RAD51B: variants seen among roughly 807,000 people sequenced by gnomAD.
RAD51B encodes the protein DNA repair protein RAD51 homolog 2.
RAD51B carries 38 observed loss-of-function variants against 42.2 expected under a neutral mutation model. That is an observed-to-expected ratio of 0.90 (90% confidence interval 0.70 to 1.18). The LOEUF (loss-of-function observed/expected upper bound fraction) is 1.18. Ranked by LOEUF, RAD51B falls within the 50% of genes most tolerant of loss-of-function variation. The pLI, the probability that RAD51B is intolerant of heterozygous loss-of-function variation, is 0.00. For missense variants in RAD51B, 373 were observed against 400.7 expected (o/e 0.93, Z 0.59); for synonymous variants, 154 against 145.2 (o/e 1.06, Z -0.43).
At chr14:68,624,366 T>C (rs1310531168) in intron 10 of RAD51B, among the ~76,000 whole-genome samples, 1 of 152,130 alleles carries the variant, frequency 6.6e-6, no homozygotes, top group Non-Finnish European at 1.5e-5. Flanking sequence ...ATATGCCCAG[T>C]CTAAAGGGGG....
chr14:68,536,761 C>G (rs1046656927), intron 10 of RAD51B, among the ~76,000 whole-genome samples: 3 of 152,062 alleles, frequency 2.0e-5, no homozygotes, highest in African/African-American at 7.2e-5. Context: ...CCTTTTGCTG[C>G]TTTTCCTATT....
Position 68,101,851 on chromosome 14 carries a change from C to T in RAD51B, c.757-190033C>T, listed in dbSNP as rs566112561. ...TGAGGGGGCTCCAACCCGACATTTC[C>T]CTTCTGCACTGCCCTAGCAGAGGTT... On this transcript the variant is annotated intron_variant, in intron 7 of 10. Transcript: ENST00000471583. Among the ~76,000 whole-genome samples the T allele has an allele frequency of 3.3e-5, 5 of 152,374 alleles. No homozygotes were observed. The South Asian group carries it at 1.0e-3, about 32-fold the overall frequency.
chr14:67,936,474 C>T (rs2044957078), intron 7 of RAD51B, among the ~76,000 whole-genome samples: 1 of 152,162 alleles, frequency 6.6e-6, no homozygotes, highest in African/African-American at 2.4e-5. Flanking sequence ...AGATAGAACT[C>T]ATTTTGTTTA....
intron 7 of RAD51B, among the ~76,000 whole-genome samples, chr14:68,154,732 A>C (rs74387721): frequency 0.025 from 3,796 of 150,050 alleles, 126 homozygotes; most frequent in African/African-American, 0.074. Flanking sequence ...CCAGATGTCC[A>C]GTGTCTTGAA....
chr14:68,633,610 C>G (rs1341695923), intron 10 of RAD51B, among the ~76,000 whole-genome samples: 1 of 152,184 alleles, frequency 6.6e-6, no homozygotes, highest in African/African-American at 2.4e-5. Flanking sequence ...CCACAAGAGT[C>G]TATTGTTCGC....
chr14:68,327,985 T>C (rs968627337), intron 8 of RAD51B, among the ~76,000 whole-genome samples: 1 of 152,160 alleles, frequency 6.6e-6, no homozygotes, highest in African/African-American at 2.4e-5. Context: ...GGTGATTTAC[T>C]GGAACAGCTA....
intron 8 of RAD51B, among the ~76,000 whole-genome samples, chr14:68,346,414 C>T (rs2082678970): frequency 6.6e-6 from 1 of 152,180 alleles, no homozygotes; most frequent in Non-Finnish European, 1.5e-5. Context: ...GTTACCCAGC[C>T]ACTAAACAAC....
chr14:68,674,157 A>G (rs879386964), intron 11 of RAD51B, among the ~76,000 whole-genome samples: 2 of 148,446 alleles, frequency 1.3e-5, no homozygotes, highest in African/African-American at 2.5e-5. Flanking sequence ...CTGTACACAC[A>G]TATATACACA....
intron 7 of RAD51B, among the ~76,000 whole-genome samples, chr14:68,057,023 A>T (rs899824478): frequency 2.0e-5 from 3 of 151,290 alleles, no homozygotes; most frequent in African/African-American, 7.3e-5. Context: ...TGGGAGGCAG[A>T]GGTTGCAGTG....
chr14:68,618,298 A>G (rs1350662537), intron 10 of RAD51B, among the ~76,000 whole-genome samples: 1 of 152,184 alleles, frequency 6.6e-6, no homozygotes, highest in Non-Finnish European at 1.5e-5. Flanking sequence ...GCAAAAAGAG[A>G]CACAAACAGG....
chr14:68,301,910 T>C (rs552106882), intron 8 of RAD51B, among the ~76,000 whole-genome samples: 1 of 152,356 alleles, frequency 6.6e-6, no homozygotes, highest in South Asian at 2.1e-4. Flanking sequence ...ATGTAAGTTC[T>C]TGTGGGCAGG....
At chr14:67,930,362 G>A (rs1308054528) in intron 7 of RAD51B, among the ~76,000 whole-genome samples, 2 of 151,474 alleles carry the variant, frequency 1.3e-5, no homozygotes, top group African/African-American at 4.8e-5. Flanking sequence ...CCACTCCCTT[G>A]AGCATTTCTT....
chr14:68,429,410 G>A (rs2084941872), intron 9 of RAD51B, among the ~76,000 whole-genome samples: 1 of 152,140 alleles, frequency 6.6e-6, no homozygotes. Context: ...ATCCTCTCCA[G>A]CACCTGTTGT....
chr14:67,955,252 AT>A (rs1230973494), intron 7 of RAD51B, among the ~76,000 whole-genome samples: 1 of 152,214 alleles, frequency 6.6e-6, no homozygotes, highest in Non-Finnish European at 1.5e-5. Flanking sequence ...GAAGAATTTT[AT>A]TGTCAGCTAA....
intron 7 of RAD51B, among the ~76,000 whole-genome samples, chr14:68,272,636 T>TATATATATATATATAC (rs2081130322): frequency 1.1e-4 from 1 of 8,974 alleles, no homozygotes; most frequent in African/African-American, 7.0e-4. Context: ...ATAAACACTT[T>TATATATATATATATAC]ATATATATAT....
chr14:67,975,079 C>T (rs76137554), intron 7 of RAD51B, among the ~76,000 whole-genome samples: 6,449 of 152,124 alleles, frequency 0.042, 289 homozygotes, highest in African/African-American at 0.11. Flanking sequence ...AAAACTTAGC[C>T]GCTTTAAACA....
chr14:67,855,070 T>C (rs2041944012), intron 4 of RAD51B, among the ~76,000 whole-genome samples: 1 of 152,192 alleles, frequency 6.6e-6, no homozygotes. Flanking sequence ...GGCAAAGTTT[T>C]TGTATTTTTA....
At chr14:68,512,331 C>T (rs1011798677) in intron 10 of RAD51B, among the ~76,000 whole-genome samples, 1 of 152,192 alleles carries the variant, frequency 6.6e-6, no homozygotes, top group East Asian at 1.9e-4. Flanking sequence ...ATGGGTCTCT[C>T]CGTCTGTTTC....
chr14:68,355,382 T>C (rs761157429), intron 8 of RAD51B, among the ~76,000 whole-genome samples: 105 of 152,368 alleles, frequency 6.9e-4, no homozygotes, highest in Admixed American at 1.8e-3. Flanking sequence ...CTCATTTTGT[T>C]ACTGGCTTCA....
Sources: gnomAD v4.1 joint callset for allele counts (sites outside exome capture counted in the v4.1 genomes callset) on GRCh38, gnomAD v4.1.1 for gene constraint, MANE v1.5 for transcripts, NCBI Gene and HGNC (gene_info 2026-07-23, HGNC 2026-07-21) for gene names.